The following PRDM5 variants were observed in gnomAD, a reference collection of about 807,000 sequenced individuals.
The protein encoded by PRDM5 is PR domain zinc finger protein 5.
PRDM5 carries 56 observed loss-of-function variants against 81.2 expected under a neutral mutation model. The ratio of observed to expected loss-of-function variants is 0.69; its 90% CI spans 0.56 to 0.86. The LOEUF (loss-of-function observed/expected upper bound fraction) is 0.86, where lower values mean the gene tolerates loss of function less well. PRDM5 is among the 40% of genes least tolerant of loss of function. The pLI, the probability that PRDM5 is intolerant of heterozygous loss-of-function variation, is 0.00. For synonymous variants in PRDM5, 267 were observed against 256.4 expected (o/e 1.04, Z -0.39); for missense variants, 697 against 770.1 (o/e 0.91, Z 1.12).
At chr4:120,847,171 G>A (rs911972183) in intron 3 of PRDM5, among the ~76,000 whole-genome samples, 3 of 152,108 alleles carry the variant, frequency 2.0e-5, no homozygotes, top group South Asian at 2.1e-4. Flanking sequence ...AGGATGTCTC[G>A]ACTTCTGGTA....
intron 2 of PRDM5, among the ~76,000 whole-genome samples, chr4:120,893,080 T>C (rs1157020779): frequency 1.3e-5 from 2 of 152,208 alleles, no homozygotes; most frequent in Admixed American, 1.3e-4. Flanking sequence ...AAAGTCCCCT[T>C]GGACTCAAAA....
At chr4:120,919,009 C>T (rs1436647407) in intron 1 of PRDM5, among the ~76,000 whole-genome samples, 2 of 152,182 alleles carry the variant, frequency 1.3e-5, no homozygotes, top group African/African-American at 4.8e-5. Flanking sequence ...GAGACAGGCA[C>T]TTTGAAAGAG....
intron 2 of PRDM5, among the ~76,000 whole-genome samples, chr4:120,887,581 C>T (rs1763574756): frequency 6.6e-6 from 1 of 152,186 alleles, no homozygotes; most frequent in Non-Finnish European, 1.5e-5. Context: ...TAATCCTACA[C>T]ACCACTACTG....
chr4:120,738,540 G>C (rs1741447152), intron 14 of PRDM5, among the ~76,000 whole-genome samples: 1 of 152,088 alleles, frequency 6.6e-6, no homozygotes, highest in Admixed American at 6.6e-5. Context: ...ACACTTTCCT[G>C]GGTCTCCCAA....
At chr4:120,892,531 T>A (rs1322392799) in intron 2 of PRDM5, among the ~76,000 whole-genome samples, 1 of 152,204 alleles carries the variant, frequency 6.6e-6, no homozygotes, top group African/African-American at 2.4e-5. Context: ...CTCTCTCAGG[T>A]AGGAACCACA....
chr4:120,685,962 T>C (rs993764837), intron 1 of PRDM5, among the ~76,000 whole-genome samples: 4 of 152,018 alleles, frequency 2.6e-5, no homozygotes, highest in Admixed American at 2.6e-4. Context: ...CATGAATGGT[T>C]TGGCACCATC....
intron 12 of PRDM5, among the ~76,000 whole-genome samples, chr4:120,780,389 A>C (rs566317008): frequency 4.6e-5 from 7 of 152,270 alleles, no homozygotes; most frequent in Admixed American, 1.3e-4. Context: ...GGATACAGTA[A>C]GCTATGATGA....
chr4:120,708,678 G>A (rs1303817209), intron 15 of PRDM5, among the ~76,000 whole-genome samples: 1 of 152,060 alleles, frequency 6.6e-6, no homozygotes, highest in Non-Finnish European at 1.5e-5. Context: ...CCTTGGTAGG[G>A]TGACAGGGTA....
intron 1 of PRDM5, among the ~76,000 whole-genome samples, chr4:120,910,121 T>C (rs1352556226): frequency 5.9e-5 from 9 of 152,088 alleles, no homozygotes; most frequent in Non-Finnish European, 1.3e-4. Flanking sequence ...AACTCATTGA[T>C]GGGCTGCGAT....
intron 10 of PRDM5, among the ~76,000 whole-genome samples, chr4:120,787,388 T>C (rs1196039023): frequency 3.3e-5 from 5 of 152,178 alleles, no homozygotes; most frequent in African/African-American, 1.2e-4. Context: ...TTTTGTCTTT[T>C]ATTCTAAGAG....
At chr4:120,794,662 T>C (rs115034578) in intron 10 of PRDM5, among the ~76,000 whole-genome samples, 29,740 of 150,786 alleles carry the variant, frequency 0.2, 3,631 homozygotes, top group Non-Finnish European at 0.28. Context: ...TTCGCTCTGT[T>C]GCTCAGGCTG....
chr4:120,917,070 T>C (rs746924465), intron 1 of PRDM5, among the ~76,000 whole-genome samples: 2 of 152,198 alleles, frequency 1.3e-5, no homozygotes, highest in African/African-American at 2.4e-5. Context: ...GTCAAAGGCT[T>C]TGCAGTGGCC....
At chr4:120,718,305 C>T (rs1738094079) in intron 14 of PRDM5, among the ~76,000 whole-genome samples, 1 of 152,174 alleles carries the variant, frequency 6.6e-6, no homozygotes, top group Non-Finnish European at 1.5e-5. Context: ...GTCTCTCTCT[C>T]ACACACACAG....
At chr4:120,794,456 G>A (rs1015918394) in intron 10 of PRDM5, among the ~76,000 whole-genome samples, 9 of 150,854 alleles carry the variant, frequency 6.0e-5, no homozygotes, top group African/African-American at 2.0e-4. Context: ...AGAGTGAACT[G>A]TATTGCCTTT....
intron 3 of PRDM5, among the ~76,000 whole-genome samples, chr4:120,832,366 T>G (rs1355981167): frequency 6.6e-6 from 1 of 152,094 alleles, no homozygotes; most frequent in East Asian, 1.9e-4. Flanking sequence ...ATGATTCAAT[T>G]ATCTCTACCT....
rs889282322 is a variant in PRDM5 at position 120,922,547 on chromosome 4, A to C, written c.62T>G (p.Met21Arg). ...CACTCTGCGGGCCGTGTAGAGCCCCATGCCGTCCTGAACCCGGGAGGACTT... is the reference window on the plus strand; with the variant it reads ...CACTCTGCGGGCCGTGTAGAGCCCCCTGCCGTCCTGAACCCGGGAGGACTT... Reference protein sequence around the residue: ...SLKSSRVQDGMGLYTARRVRK... With the variant: ...SLKSSRVQDGRGLYTARRVRK... The change falls in exon 1 of 16, where the codon ATG becomes AGG. Residue 21 changes from methionine to arginine, a missense_variant. Coordinates refer to ENST00000264808, the MANE Select transcript of PRDM5 (RefSeq NM_018699.4). 2.5e-6 allele frequency: 4 copies of C among 1,610,780 alleles called. No homozygotes were observed. Among genetic ancestry groups the C allele is most frequent in the African/African-American group, 1.3e-5 (1 of 74,862 alleles).
intron 13 of PRDM5, among the ~76,000 whole-genome samples, chr4:120,773,739 A>G (rs138441668): frequency 6.6e-6 from 1 of 152,350 alleles, no homozygotes; most frequent in Admixed American, 6.5e-5. Flanking sequence ...AAATTATTTA[A>G]CAACTATTAA....
intron 13 of PRDM5, among the ~76,000 whole-genome samples, chr4:120,772,207 G>C (rs1646328491): frequency 6.6e-6 from 1 of 152,142 alleles, no homozygotes. Flanking sequence ...TTAATCTCAT[G>C]AGAACTCAGA....
chr4:120,720,231 G>C (rs1738400766), intron 14 of PRDM5, among the ~76,000 whole-genome samples: 2 of 152,178 alleles, frequency 1.3e-5, no homozygotes, highest in South Asian at 2.1e-4. Context: ...GAATAAAAGA[G>C]AGCTACAGAC....
Sources: gnomAD v4.1 joint callset for allele counts (sites outside exome capture counted in the v4.1 genomes callset) on GRCh38, gnomAD v4.1.1 for gene constraint, MANE v1.5 for transcripts, NCBI Gene and HGNC (gene_info 2026-07-23, HGNC 2026-07-21) for gene names.